The following AGBL4 variants were observed in gnomAD, a reference collection of about 807,000 sequenced individuals.
AGBL4 encodes cytosolic carboxypeptidase 6.
AGBL4 carries 58 observed loss-of-function variants against 66.4 expected under a neutral mutation model. That is an observed-to-expected ratio of 0.87 (90% CI 0.71 to 1.09). The LOEUF is 1.09. Among genes scored for constraint, AGBL4 ranks in the 50% least tolerant of loss-of-function variants. The probability of loss-of-function intolerance (pLI) is 0.00; values close to 1 mark genes in which losing one functional copy is unlikely to be tolerated. For synonymous variants in AGBL4, 234 were observed against 222.9 expected, an observed-to-expected ratio of 1.05 and a Z score of -0.44; for missense variants, 579 against 631.0, an observed-to-expected ratio of 0.92 and a Z score of 0.88.
chr1:49,971,906 G>GGTTTTTTTTTTTTTT (rs1658126643), intron 1 of AGBL4, among the ~76,000 whole-genome samples: 1 of 43,442 alleles, frequency 2.3e-5, no homozygotes, highest in South Asian at 1.7e-3. Flanking sequence ...GGTTTTTTTG[G>GGTTTTTTTTTTTTTT]GTTTTTTTTT....
chr1:48,672,276 A>C (rs547981167), intron 6 of AGBL4, among the ~76,000 whole-genome samples: 77 of 152,246 alleles, frequency 5.1e-4, no homozygotes, highest in Non-Finnish European at 7.5e-4. Context: ...GCTAAGAGGC[A>C]GAGTGGGAAT....
intron 2 of AGBL4, among the ~76,000 whole-genome samples, chr1:49,811,229 A>C (rs1300054574): frequency 6.6e-6 from 1 of 152,162 alleles, no homozygotes; most frequent in African/African-American, 2.4e-5. Context: ...TGGTGTTCCA[A>C]TGTGTGCTCT....
At chr1:49,889,618 G>A (rs187314158) in intron 1 of AGBL4, among the ~76,000 whole-genome samples, 7 of 152,120 alleles carry the variant, frequency 4.6e-5, no homozygotes, top group East Asian at 1.9e-4. Flanking sequence ...ATAGCTGGGC[G>A]TGGTGGCACA....
rs751988443 is a variant in AGBL4 at position 49,423,286 on chromosome 1, A to T, written c.283-177422T>A. On this transcript the variant is annotated intron_variant, in intron 3 of 13. Coordinates refer to ENST00000371839, the MANE Select transcript of AGBL4 (RefSeq NM_032785.4). The stretch of plus-strand genomic sequence containing the variant: ...CTTCAAGACAGGGTTTGTCTTTTTT[A>T]TTCATCTCTGTTTCTACAATATTTA... Among the ~76,000 whole-genome samples the T allele has an allele frequency of 3.3e-5, 5 of 152,168 alleles. 1 individual carries two copies. Among genetic ancestry groups the T allele is most frequent in the Admixed American group, 6.5e-5 (1 of 15,278 alleles).
intron 5 of AGBL4, among the ~76,000 whole-genome samples, chr1:49,032,481 A>G (rs1250715508): frequency 6.6e-6 from 1 of 152,154 alleles, no homozygotes; most frequent in Non-Finnish European, 1.5e-5. Flanking sequence ...GGGAGGGGAA[A>G]TAATGATCTC....
At chr1:49,838,959 T>G (rs1645921221) in intron 2 of AGBL4, among the ~76,000 whole-genome samples, 1 of 152,198 alleles carries the variant, frequency 6.6e-6, no homozygotes, top group African/African-American at 2.4e-5. Context: ...TCAAAGCTGT[T>G]TCTCAGATTA....
chr1:49,973,811 T>C (rs1658341936), intron 1 of AGBL4, among the ~76,000 whole-genome samples: 1 of 151,198 alleles, frequency 6.6e-6, no homozygotes, highest in Admixed American at 6.6e-5. Context: ...AGGACAAGGA[T>C]TTTTTAGTGA....
intron 2 of AGBL4, among the ~76,000 whole-genome samples, chr1:49,701,385 A>C (rs1647090931): frequency 1.3e-5 from 2 of 152,144 alleles, no homozygotes; most frequent in South Asian, 4.1e-4. Flanking sequence ...AATAATATAT[A>C]AAGAAAGCAG....
intron 3 of AGBL4, among the ~76,000 whole-genome samples, chr1:49,558,635 A>C (rs925066278): frequency 6.6e-6 from 1 of 152,084 alleles, no homozygotes; most frequent in Non-Finnish European, 1.5e-5. Context: ...CACCACGCCT[A>C]GCTGGGATCC....
At chr1:49,855,322 C>A (rs1646406455) in intron 1 of AGBL4, among the ~76,000 whole-genome samples, 1 of 152,104 alleles carries the variant, frequency 6.6e-6, no homozygotes, top group South Asian at 2.1e-4. Context: ...TAGTGGGAAA[C>A]TTCAAAACCC....
chr1:49,624,498 C>T (rs1216469105), intron 3 of AGBL4, among the ~76,000 whole-genome samples: 1 of 152,160 alleles, frequency 6.6e-6, no homozygotes, highest in Non-Finnish European at 1.5e-5. Context: ...AACTCTATTT[C>T]CCAAATAGTG....
At chr1:49,260,764 C>T (rs1304307458) in intron 3 of AGBL4, among the ~76,000 whole-genome samples, 2 of 152,012 alleles carry the variant, frequency 1.3e-5, no homozygotes, top group Non-Finnish European at 2.9e-5. Flanking sequence ...TCTGAAACTA[C>T]TCCAATCAAT....
At chr1:48,661,109 G>A (rs1646100346) in intron 7 of AGBL4, among the ~76,000 whole-genome samples, 1 of 110,182 alleles carries the variant, frequency 9.1e-6, no homozygotes, top group African/African-American at 2.7e-5. Context: ...ACAGCTCGTG[G>A]TATAAAGAGG....
chr1:49,988,648 A>G (rs1401042869), intron 1 of AGBL4, among the ~76,000 whole-genome samples: 4 of 152,192 alleles, frequency 2.6e-5, no homozygotes, highest in African/African-American at 9.6e-5. Context: ...TAGTTTTACT[A>G]TTTAACTTAA....
At chr1:49,891,611 T>G (rs1571815188) in intron 1 of AGBL4, among the ~76,000 whole-genome samples, 1 of 152,262 alleles carries the variant, frequency 6.6e-6, no homozygotes, top group Non-Finnish European at 1.5e-5. Flanking sequence ...AAACCTGATA[T>G]AAACCCCGAA....
chr1:49,333,684 A>G (rs1645380226), intron 3 of AGBL4, among the ~76,000 whole-genome samples: 1 of 152,182 alleles, frequency 6.6e-6, no homozygotes, highest in Non-Finnish European at 1.5e-5. Context: ...AAGAATTATG[A>G]TTTATCTAAT....
intron 3 of AGBL4, among the ~76,000 whole-genome samples, chr1:49,351,449 A>G (rs1406750242): frequency 6.6e-6 from 1 of 151,856 alleles, no homozygotes; most frequent in Non-Finnish European, 1.5e-5. Flanking sequence ...TGTATAGTAC[A>G]CATATGTATA....
At chr1:49,226,950 G>A (rs2148288773) in intron 4 of AGBL4, among the ~76,000 whole-genome samples, 1 of 152,252 alleles carries the variant, frequency 6.6e-6, no homozygotes, top group East Asian at 1.9e-4. Context: ...CCCTTTCCCT[G>A]CTTATAGCTG....
chr1:48,772,099 A>G (rs143788826), intron 6 of AGBL4, among the ~76,000 whole-genome samples: 28 of 152,316 alleles, frequency 1.8e-4, no homozygotes, highest in Non-Finnish European at 2.6e-4. Context: ...TGCAGACTAT[A>G]TGCTGGGCAC....
Sources: gnomAD v4.1 joint callset for allele counts (sites outside exome capture counted in the v4.1 genomes callset) on GRCh38, gnomAD v4.1.1 for gene constraint, MANE v1.5 for transcripts, NCBI Gene and HGNC (gene_info 2026-07-23, HGNC 2026-07-21) for gene names.